SLC25A21: variants seen among roughly 807,000 people sequenced by gnomAD.
SLC25A21 encodes solute carrier family 25 member 21, also known as mitochondrial 2-oxodicarboxylate carrier.
SLC25A21 carries 47 observed loss-of-function variants against 43.8 expected under a neutral mutation model. The observed-to-expected ratio is 1.07, with a 90% confidence interval of 0.85 to 1.37. SLC25A21 has a LOEUF of 1.37. Ranked by LOEUF, SLC25A21 falls within the 40% of genes most tolerant of loss-of-function variation. SLC25A21 has a pLI of 0.00. For synonymous variants in SLC25A21, 131 were observed against 121.3 expected, an observed-to-expected ratio of 1.08 and a Z score of -0.52; for missense variants, 352 against 350.2, an observed-to-expected ratio of 1.00 and a Z score of -0.04.
At chr14:37,079,270 G>A (rs1454704487) in intron 1 of SLC25A21, among the ~76,000 whole-genome samples, 1 of 151,988 alleles carries the variant, frequency 6.6e-6, no homozygotes, top group Non-Finnish European at 1.5e-5. Flanking sequence ...CAGCCTACCT[G>A]GTATCCCACA....
intron 2 of SLC25A21, among the ~76,000 whole-genome samples, chr14:36,827,445 T>C (rs1186465613): frequency 6.6e-6 from 1 of 152,210 alleles, no homozygotes; most frequent in Non-Finnish European, 1.5e-5. Flanking sequence ...GCTGAAATCA[T>C]GCGACAACTG....
intron 3 of SLC25A21, among the ~76,000 whole-genome samples, chr14:36,763,237 G>T (rs944392215): frequency 1.4e-4 from 22 of 152,206 alleles, no homozygotes; most frequent in Admixed American, 9.8e-4. Context: ...CCAGATCTGA[G>T]TTTTTCTCTG....
rs1412914645 is a variant in SLC25A21, at chr14:36,814,007, A to G, written c.120-6T>C. 2 of 1,594,826 alleles carry G rather than the reference A, an allele frequency of 1.3e-6. No individual in the cohort carries two copies. The highest frequency in any genetic ancestry group is 1.2e-5 in the South Asian group (1 of 86,268). The stretch of plus-strand genomic sequence containing the variant: ...CACATCTCTGAATCTGAAACCTAGA[A>G]GCAAAATCAAACCAAAAATTCTAAG... On this transcript the variant is annotated splice_region_variant and splice_polypyrimidine_tract_variant and intron_variant, in intron 2 of 9. Coordinates refer to ENST00000331299, the MANE Select transcript of SLC25A21 (RefSeq NM_030631.4).
chr14:36,901,127 G>A (rs1891386839), intron 1 of SLC25A21, among the ~76,000 whole-genome samples: 1 of 152,168 alleles, frequency 6.6e-6, no homozygotes, highest in South Asian at 2.1e-4. Flanking sequence ...AGGACCAGTA[G>A]AGCTGGAAAG....
intron 6 of SLC25A21, among the ~76,000 whole-genome samples, chr14:36,715,193 G>C (rs1027790666): frequency 2.0e-5 from 3 of 151,960 alleles, no homozygotes; most frequent in Non-Finnish European, 2.9e-5. Context: ...GGAGGCCTTG[G>C]GATAAAGAAA....
At chr14:36,811,335 T>G (rs1333655798) in intron 3 of SLC25A21, among the ~76,000 whole-genome samples, 1 of 152,008 alleles carries the variant, frequency 6.6e-6, no homozygotes, top group African/African-American at 2.4e-5. Flanking sequence ...GGTATATGTG[T>G]AGAAGTTTAA....
intron 1 of SLC25A21, among the ~76,000 whole-genome samples, chr14:37,039,566 T>C (rs949602987): frequency 6.6e-5 from 10 of 152,212 alleles, no homozygotes; most frequent in African/African-American, 2.4e-4. Flanking sequence ...TTGAGATTCA[T>C]CTATGTTGTT....
At chr14:36,967,811 T>C (rs1169205309) in intron 1 of SLC25A21, among the ~76,000 whole-genome samples, 1 of 152,204 alleles carries the variant, frequency 6.6e-6, no homozygotes, top group Admixed American at 6.5e-5. Context: ...AGATGGACAT[T>C]GCACATGGTG....
chr14:37,106,025 C>T (rs1210897397), intron 1 of SLC25A21, among the ~76,000 whole-genome samples: 1 of 152,092 alleles, frequency 6.6e-6, no homozygotes, highest in Non-Finnish European at 1.5e-5. Flanking sequence ...TTTCTTATGC[C>T]TGTCTTTACT....
intron 1 of SLC25A21, among the ~76,000 whole-genome samples, chr14:36,968,488 A>G (rs1161927258): frequency 1.3e-5 from 2 of 152,208 alleles, no homozygotes; most frequent in African/African-American, 2.4e-5. Context: ...TCCATGGAAC[A>G]GGAAGTCTTT....
intron 1 of SLC25A21, 159 bp downstream of exon 1, chr14:37,172,122 T>C: frequency 1.3e-6 from 1 of 747,064 alleles, no homozygotes; most frequent in South Asian, 2.0e-5. Flanking sequence ...CGGCCTCCTC[T>C]GCTCTCGCGC....
chr14:36,798,902 A>AAGAGAGAGAGAGAG (rs10637597), intron 3 of SLC25A21, among the ~76,000 whole-genome samples: 6 of 150,770 alleles, frequency 4.0e-5, no homozygotes, highest in Non-Finnish European at 5.9e-5. Context: ...TAGGGAGAGA[A>AAGAGAGAGAGAGAG]AGAGAGAGAG....
Position 36,792,386 on chromosome 14 carries a change from C to G in SLC25A21, c.203+21532G>C, listed in dbSNP as rs572342007. On this transcript the variant is annotated intron_variant, in intron 3 of 9. Coordinates refer to ENST00000331299, the MANE Select transcript of SLC25A21 (RefSeq NM_030631.4). Reference sequence around the variant, plus strand: ...GCAGCATTCTTCAATGGCTGCGAGTCTGTATTCTATACATCCAGTTCCCAA... The same window carrying G: ...GCAGCATTCTTCAATGGCTGCGAGTGTGTATTCTATACATCCAGTTCCCAA... 8.5e-5 allele frequency among the ~76,000 whole-genome samples: 13 copies of G among 152,282 alleles called. No homozygotes were observed. In the South Asian group the frequency reaches 2.3e-3, roughly 27 times the overall value.
chr14:37,028,884 T>A (rs1337964226), intron 1 of SLC25A21, among the ~76,000 whole-genome samples: 2 of 152,180 alleles, frequency 1.3e-5, no homozygotes, highest in African/African-American at 2.4e-5. Context: ...ATAGCTATTA[T>A]TGTTGGACAC....
At chr14:36,695,950 C>G (rs1489767808) in intron 7 of SLC25A21, among the ~76,000 whole-genome samples, 1 of 152,138 alleles carries the variant, frequency 6.6e-6, no homozygotes, top group Non-Finnish European at 1.5e-5. Context: ...CTATGTTGAA[C>G]AGGAGTGGTG....
rs75890182 is a variant in SLC25A21 at position 36,888,790 on chromosome 14, G to C, written c.71-13786C>G. Among the ~76,000 whole-genome samples, 234 of 152,214 alleles carry C rather than the reference G, an allele frequency of 1.5e-3. 2 individuals are homozygous for C. Among genetic ancestry groups the C allele is most frequent in the African/African-American group, 5.4e-3 (223 of 41,534 alleles). On this transcript the variant is annotated intron_variant, in intron 1 of 9. Coordinates refer to ENST00000331299, the MANE Select transcript of SLC25A21 (RefSeq NM_030631.4). ...AGATTTGTAGGTCACAGGTAGCCAG[G>C]TCTTTTCTTCCCATTACTCATGGAC...
chr14:36,828,376 G>A (rs1888912856), intron 2 of SLC25A21: 1 of 152,168 alleles, frequency 6.6e-6, no homozygotes, highest in Non-Finnish European at 1.5e-5. Flanking sequence ...AGGCTTTTAA[G>A]AAGTAATTGG....
At chr14:37,011,650 ATT>A (rs1200098630) in intron 1 of SLC25A21, among the ~76,000 whole-genome samples, 1 of 152,146 alleles carries the variant, frequency 6.6e-6, no homozygotes, top group Non-Finnish European at 1.5e-5. Flanking sequence ...TACCACCATC[ATT>A]ATCTCAGCTA....
Position 36,903,614 on chromosome 14 carries a change from G to GAAAAAAA in SLC25A21, c.71-28617_71-28611dup, listed in dbSNP as rs71124784. ...GGTGACAGAGTGAGACTCCGTCTCA[G>GAAAAAAA]AAAAAAAAAAAAAAAAAAAAAAAAA... On this transcript the variant is annotated intron_variant, in intron 1 of 9. Transcript: ENST00000331299. Among the ~76,000 whole-genome samples, 50 of 50,452 alleles carry GAAAAAAA rather than the reference G, an allele frequency of 9.9e-4. 5 individuals carry two copies. Among genetic ancestry groups the GAAAAAAA allele is most frequent in the African/African-American group, 3.8e-3 (42 of 10,972 alleles). The allele number at this position is 50,452 out of a possible 152,430, so 33.1% of individuals were successfully genotyped here. A position where few individuals can be genotyped will look rare whatever the true frequency, so the allele number is the denominator to read the frequency against.
Sources: allele counts gnomAD v4.1 joint callset (sites outside exome capture counted in the v4.1 genomes callset), GRCh38; gene constraint gnomAD v4.1.1; transcripts MANE v1.5; gene names NCBI Gene and HGNC (gene_info 2026-07-23, HGNC 2026-07-21).